WDR7: variants seen among roughly 807,000 people sequenced by gnomAD.
WDR7 encodes WD repeat-containing protein 7.
In WDR7, 46 loss-of-function variants were observed where a neutral mutation model predicts 169.4. That is an observed-to-expected ratio of 0.27 (90% CI 0.21 to 0.35). The LOEUF (loss-of-function observed/expected upper bound fraction) is 0.35, where lower values mean the gene tolerates loss of function less well. WDR7 is among the 10% of genes least tolerant of loss of function. The pLI, the probability that WDR7 is intolerant of heterozygous loss-of-function variation, is 1.00. For synonymous variants in WDR7, 612 were observed against 666.8 expected, an observed-to-expected ratio of 0.92 and a Z score of 1.27; for missense variants, 1,534 against 1,859.3, an observed-to-expected ratio of 0.83 and a Z score of 3.22.
At chr18:56,721,878 A>G (rs2026330345) in intron 13 of WDR7, among the ~76,000 whole-genome samples, 1 of 152,176 alleles carries the variant, frequency 6.6e-6, no homozygotes, top group South Asian at 2.1e-4. Context: ...TCTATTCCTT[A>G]TGTATAATTA....
At chr18:56,840,019 G>A (rs556764894) in intron 20 of WDR7, among the ~76,000 whole-genome samples, 28 of 152,244 alleles carry the variant, frequency 1.8e-4, no homozygotes, top group African/African-American at 5.8e-4. Context: ...CCAAGATCGC[G>A]CCACTGCACT....
At chr18:56,981,806 G>A (rs1202533985) in intron 26 of WDR7, among the ~76,000 whole-genome samples, 5 of 152,184 alleles carry the variant, frequency 3.3e-5, no homozygotes. Context: ...AGGCAGGCCA[G>A]TTGAGACCTG....
chr18:56,897,482 CGT>C (rs991015883), intron 21 of WDR7, among the ~76,000 whole-genome samples: 36 of 141,806 alleles, frequency 2.5e-4, no homozygotes, highest in South Asian at 1.7e-3. Context: ...GGGATACAAA[CGT>C]ATGTAGTAAG....
intron 22 of WDR7, among the ~76,000 whole-genome samples, chr18:56,927,317 T>C (rs9953146): frequency 0.013 from 2,034 of 151,982 alleles, 39 homozygotes; most frequent in African/African-American, 0.047. Context: ...ATGAAGAGGG[T>C]ATTTTCTGGC....
intron 26 of WDR7, among the ~76,000 whole-genome samples, chr18:56,971,966 ATGT>A (rs2047494974): frequency 6.6e-6 from 1 of 152,252 alleles, no homozygotes. Flanking sequence ...AGTAATATAG[ATGT>A]TGTAAACAAA....
In WDR7 at chr18:56,889,836, A is replaced by T. The variant is rs191001976; in HGVS notation, c.3526+9671A>T. Among the ~76,000 whole-genome samples, 26 of 152,298 alleles carry T rather than the reference A, an allele frequency of 1.7e-4. No homozygotes were observed. In the East Asian group the frequency reaches 5.0e-3, roughly 29 times the overall value. ...ATTTAGGAATGTGCTGTTGCTATGG[A>T]TATGCATAGACATAAAAAATTCACA... On this transcript the variant is annotated intron_variant, in intron 21 of 27. Transcript: ENST00000254442.
Position 56,730,031 on chromosome 18 carries a change from AT to A in WDR7, c.1775-1345del, listed in dbSNP as rs143662624. 4.4e-3 allele frequency among the ~76,000 whole-genome samples: 668 copies of A among 151,918 alleles called. 7 individuals carry two copies. The highest frequency in any genetic ancestry group is 0.015 in the African/African-American group (635 of 41,440). On this transcript the variant is annotated intron_variant, in intron 13 of 27. Coordinates refer to ENST00000254442, the MANE Select transcript of WDR7 (RefSeq NM_015285.3). ...TCTTTAAACATTATTTTGTTGGCTT[AT>A]TTTTTTCTCATAGATTTGTTAGAAC...
the WDR7 span, chr18:57,035,886 A>G: frequency 6.6e-6 from 1 of 152,382 alleles, no homozygotes; most frequent in Admixed American, 6.5e-5. Flanking sequence ...TCGAAAATGG[A>G]TCACAGGAGG....
intron 26 of WDR7, among the ~76,000 whole-genome samples, chr18:56,965,619 C>G (rs1568290218): frequency 6.6e-6 from 1 of 152,090 alleles, no homozygotes; most frequent in Non-Finnish European, 1.5e-5. Context: ...TATTCGAACA[C>G]AGGCACACAC....
intron 20 of WDR7, among the ~76,000 whole-genome samples, chr18:56,866,691 C>T (rs959646933): frequency 6.6e-6 from 1 of 152,060 alleles, no homozygotes; most frequent in Non-Finnish European, 1.5e-5. Context: ...GTGTTCAGCT[C>T]TTATATGGCA....
intron 20 of WDR7, among the ~76,000 whole-genome samples, chr18:56,820,322 A>G (rs189513158): frequency 2.4e-5 from 3 of 126,312 alleles, no homozygotes; most frequent in Admixed American, 1.9e-4. Context: ...TAAAGGGTCA[A>G]GAGTCACTGA....
At chr18:56,743,628 C>G (rs1179262132) in intron 14 of WDR7, among the ~76,000 whole-genome samples, 1 of 152,088 alleles carries the variant, frequency 6.6e-6, no homozygotes, top group Non-Finnish European at 1.5e-5. Context: ...GGAGAAGGTT[C>G]ACTGTGGAGA....
chr18:56,712,785 C>T (rs1487017366), intron 12 of WDR7, among the ~76,000 whole-genome samples: 1 of 152,136 alleles, frequency 6.6e-6, no homozygotes, highest in Non-Finnish European at 1.5e-5. Context: ...CAGTTGATAG[C>T]AGCGGTTACT....
intron 20 of WDR7, among the ~76,000 whole-genome samples, chr18:56,860,961 A>T (rs1466464983): frequency 2.0e-5 from 3 of 152,154 alleles, no homozygotes; most frequent in African/African-American, 7.2e-5. Context: ...CTTTTAAAAA[A>T]TATATCTTTG....
intron 9 of WDR7, among the ~76,000 whole-genome samples, chr18:56,693,019 C>T (rs934244594): frequency 2.6e-5 from 4 of 151,986 alleles, no homozygotes; most frequent in Admixed American, 2.0e-4. Context: ...GAGCTGTGAT[C>T]GTGCCACTGC....
intron 14 of WDR7, among the ~76,000 whole-genome samples, chr18:56,746,298 A>G (rs988308728): frequency 2.0e-5 from 3 of 152,168 alleles, no homozygotes; most frequent in Non-Finnish European, 4.4e-5. Context: ...TTACATTCAC[A>G]CCTCAATCAC....
At chr18:56,985,691 G>A (rs2047705775) in intron 26 of WDR7, among the ~76,000 whole-genome samples, 1 of 151,486 alleles carries the variant, frequency 6.6e-6, no homozygotes, top group Non-Finnish European at 1.5e-5. Context: ...TTATATTGGA[G>A]GTTTTATATA....
intron 25 of WDR7, among the ~76,000 whole-genome samples, chr18:56,939,944 A>G (rs2047011907): frequency 6.6e-6 from 1 of 151,006 alleles, no homozygotes; most frequent in Admixed American, 6.6e-5. Flanking sequence ...ACATAATTTA[A>G]TAATTATATA....
chr18:56,883,542 A>T (rs1346346739), intron 21 of WDR7, among the ~76,000 whole-genome samples: 12 of 147,782 alleles, frequency 8.1e-5, no homozygotes, highest in South Asian at 2.1e-4. Context: ...GTTTTGGAGG[A>T]GCAAGTGTTG....
Sources: allele counts gnomAD v4.1 joint callset (sites outside exome capture counted in the v4.1 genomes callset), GRCh38; gene constraint gnomAD v4.1.1; transcripts MANE v1.5; gene names NCBI Gene and HGNC (gene_info 2026-07-23, HGNC 2026-07-21).